Variants in FANCA observed in about 807,000 individuals in gnomAD.
FANCA encodes the protein FA complementation group A, also known as Fanconi anemia group A protein.
A neutral mutation model predicts 194.3 loss-of-function variants in FANCA; 236 were observed. That is an observed-to-expected ratio of 1.21 (90% CI 1.09 to 1.35). The LOEUF (loss-of-function observed/expected upper bound fraction) is 1.35, where lower values mean the gene tolerates loss of function less well. FANCA is among the 40% of genes most tolerant of loss of function. FANCA has a pLI of 0.00. For missense variants in FANCA, 2,628 were observed against 1,813.9 expected (o/e 1.45, Z -8.15); for synonymous variants, 1,014 against 715.8 (o/e 1.42, Z -6.65).
chr16:89,814,638 C>G, intron 2 of FANCA, 25 bp from the exon 3 acceptor site: 2 of 1,575,294 alleles, frequency 1.3e-6, no homozygotes, highest in African/African-American at 1.3e-5. Flanking sequence ...ACAACAAACT[C>G]CATTTAAAAA....
rs146861995 is a variant in FANCA at position 89,788,657 on chromosome 16, G to C, written c.1359+2746C>G. On this transcript the variant is annotated intron_variant, in intron 14 of 42. Transcript: ENST00000389301. ...ACAAAAAAATTTTTTTTAATTAGCT[G>C]GGTGTGGTGGCACACACCTATAGTC... Among the ~76,000 whole-genome samples the C allele has an allele frequency of 3.2e-3, 484 of 151,822 alleles. 6 individuals carry two copies. Among genetic ancestry groups the C allele is most frequent in the African/African-American group, 0.011 (450 of 41,396 alleles).
intron 37 of FANCA, among the ~76,000 whole-genome samples, chr16:89,741,687 G>A (rs2062137213): frequency 6.6e-6 from 1 of 152,180 alleles, no homozygotes; most frequent in Non-Finnish European, 1.5e-5. Flanking sequence ...TTCAAGAGCA[G>A]CCTCTCCCAC....
At chr16:89,783,563 C>A (rs2039795620) in intron 15 of FANCA, among the ~76,000 whole-genome samples, 3 of 146,140 alleles carry the variant, frequency 2.1e-5, no homozygotes, top group African/African-American at 2.5e-5. Flanking sequence ...AAAAAAAAAA[C>A]AACAAAAAAA....
chr16:89,761,153 C>T (rs1009391330), intron 29 of FANCA, among the ~76,000 whole-genome samples: 3 of 152,214 alleles, frequency 2.0e-5, no homozygotes, highest in African/African-American at 7.2e-5. Flanking sequence ...GGCGCGGTGG[C>T]TCACGCCTGT....
rs562022842 is a variant in FANCA at position 89,803,139 on chromosome 16, A to G, written c.792+120T>C. 128 of 970,918 alleles carry G rather than the reference A, an allele frequency of 1.3e-4. No homozygotes were observed. The African/African-American group carries it at 1.8e-3, about 14-fold the overall frequency. 60.1% of individuals were successfully genotyped at this position (970,918 alleles called of 1,614,324 possible). A position where few individuals can be genotyped will look rare whatever the true frequency, so the allele number is the denominator to read the frequency against. ...ACTCTATGCACAAAACAAGTATCAC[A>G]TGTACCCCGTAAATAGGTACAAACA... On this transcript the variant is annotated intron_variant, in intron 8 of 42. Transcript: ENST00000389301.
intron 2 of FANCA, 141 bp downstream of exon 2, chr16:89,815,736 G>C: frequency 5.4e-6 from 4 of 739,708 alleles, no homozygotes; most frequent in Non-Finnish European, 9.8e-6. Context: ...CAGAACTCCC[G>C]GGCTCAGGCG....
chr16:89,776,897 T>G (rs1408592181), intron 20 of FANCA, among the ~76,000 whole-genome samples: 1 of 151,982 alleles, frequency 6.6e-6, no homozygotes, highest in Non-Finnish European at 1.5e-5. Context: ...AGCAAATTAG[T>G]AAGAGGGAAC....
Position 89,752,144 on chromosome 16 carries a change from T to G in FANCA, c.3060A>C (p.Arg1020Ser), listed in dbSNP as rs1176089066. The G allele has an allele frequency of 6.2e-7, 1 of 1,613,940 alleles. No homozygotes were observed. The highest frequency in any genetic ancestry group is 8.5e-7 in the Non-Finnish European group (1 of 1,179,820). The change falls in exon 31 of 43, where the codon AGA becomes AGC. Residue 1020 changes from arginine to serine, a missense_variant. By Grantham distance (110) the Arg-to-Ser change is moderately radical. Coordinates refer to ENST00000389301, the MANE Select transcript of FANCA (RefSeq NM_000135.4). The part of the protein sequence containing the change: ...GRTGNEDIIS[R>S]LQEMVADLEL... ...GTGGCACCCTCAAACTCACCTGCAATCTGGAAATAATATCCTCATTTCCTG... is the reference window on the plus strand; with the variant it reads ...GTGGCACCCTCAAACTCACCTGCAAGCTGGAAATAATATCCTCATTTCCTG...
intron 30 of FANCA, among the ~76,000 whole-genome samples, chr16:89,754,778 C>G (rs1050055554): frequency 6.6e-6 from 1 of 152,184 alleles, no homozygotes; most frequent in Non-Finnish European, 1.5e-5. Flanking sequence ...TGTTTCTATA[C>G]GTTAGCAACA....
At position 89,767,673 on chromosome 16, in the gene FANCA, C is replaced by T. The variant is rs139508379; in HGVS notation, c.2505-436G>A. On this transcript the variant is annotated intron_variant, in intron 26 of 42. Coordinates refer to ENST00000389301, the MANE Select transcript of FANCA (RefSeq NM_000135.4). The stretch of plus-strand genomic sequence containing the variant: ...AAGCAATTCTCCTGCCTCAGTCTCC[C>T]GAGTAGCTGGGACTACAGGTGCCAG... 5.3e-5 allele frequency among the ~76,000 whole-genome samples: 8 copies of T among 152,264 alleles called. No individual in the cohort carries two copies. In the East Asian group the frequency reaches 7.7e-4, roughly 15 times the overall value.
intron 36 of FANCA, among the ~76,000 whole-genome samples, chr16:89,744,329 CG>C (rs1253025361): frequency 1.3e-5 from 2 of 152,190 alleles, no homozygotes; most frequent in Non-Finnish European, 2.9e-5. Context: ...TGCCCTCTGA[CG>C]ACCCCTTAAG....
intron 28 of FANCA, among the ~76,000 whole-genome samples, chr16:89,763,484 A>AT (rs1423792000): frequency 6.6e-6 from 1 of 151,636 alleles, no homozygotes; most frequent in Admixed American, 6.6e-5. Context: ...CCACCTTGAA[A>AT]TTCTTTTCTA....
At position 89,738,632 on chromosome 16, in the gene FANCA, G is replaced by A. The variant is rs2062029094; in HGVS notation, c.4337C>T (p.Ala1446Val). The A allele has an allele frequency of 1.2e-6, 2 of 1,613,578 alleles. No individual in the cohort carries two copies. Among genetic ancestry groups the A allele is most frequent in the Non-Finnish European group, 1.7e-6 (2 of 1,180,034 alleles). ...GAGATGAGGCTCCTGGGACAGGTCA[G>A]CGTCAGGGGCAGCCTGCTGTCTGCT... ...LQSRQQAAPD[A>V]DLSQEPHLF Residue 1446 changes from alanine (A) to valine (V), a missense_variant, in exon 43 of 43, where the codon GCT (alanine) becomes GTT (valine). By Grantham distance (64) the Ala-to-Val change is moderately conservative (BLOSUM62 0). Transcript: ENST00000389301.
chr16:89,767,011 A>T, intron 27 of FANCA, 130 bp downstream of exon 27: 1 of 783,868 alleles, frequency 1.3e-6, no homozygotes, highest in African/African-American at 1.7e-5. Context: ...GCCCCATGAC[A>T]GCCAGCCTGA....
chr16:89,755,603 T>G (rs1022474616), intron 30 of FANCA, among the ~76,000 whole-genome samples: 2 of 152,172 alleles, frequency 1.3e-5, no homozygotes. Flanking sequence ...CCTTTGTGCA[T>G]TAAACGATAC....
chr16:89,740,930 G>A, intron 37 of FANCA, 64 bp from the exon 38 acceptor site: 5 of 1,394,908 alleles, frequency 3.6e-6, no homozygotes. Context: ...TCTAAATAAG[G>A]CTGACACATT....
rs756712258 is a variant in FANCA, at chr16:89,745,087, C to G, written c.3514-16G>C. ...GCCACCACACCTATGGAGAGAGCAC[C>G]AGCACACAGATGAGGGTGGCTGAGA... On this transcript the variant is annotated splice_polypyrimidine_tract_variant and intron_variant, in intron 35 of 42. Transcript: ENST00000389301. 8.2e-6 allele frequency: 13 copies of G among 1,584,084 alleles called. No individual in the cohort carries two copies. Among genetic ancestry groups the G allele is most frequent in the Non-Finnish European group, 1.1e-5 (13 of 1,169,186 alleles).
At chr16:89,759,648 C>A (rs2038883106) in intron 29 of FANCA, among the ~76,000 whole-genome samples, 1 of 152,136 alleles carries the variant, frequency 6.6e-6, no homozygotes, top group South Asian at 2.1e-4. Flanking sequence ...GTGGTCCCAG[C>A]TACTCAGGAG....
intron 2 of FANCA, 73 bp from the exon 3 acceptor site, chr16:89,814,686 T>C: frequency 9.3e-7 from 1 of 1,074,418 alleles, no homozygotes; most frequent in Non-Finnish European, 1.4e-6. Context: ...CTCACGCCTG[T>C]AATCCCAGTA....
Sources: gnomAD v4.1 joint callset for allele counts (sites outside exome capture counted in the v4.1 genomes callset) on GRCh38, gnomAD v4.1.1 for gene constraint, MANE v1.5 for transcripts, NCBI Gene and HGNC (gene_info 2026-07-23, HGNC 2026-07-21) for gene names.